CADPS2: variants seen among roughly 807,000 people sequenced by gnomAD.
CADPS2 encodes calcium dependent secretion activator 2.
Under a neutral mutation model 172.5 loss-of-function variants are expected in CADPS2, and 93 were observed. The ratio of observed to expected loss-of-function variants is 0.54; its 90% CI spans 0.46 to 0.64. CADPS2 has a LOEUF of 0.64. CADPS2 is among the 30% of genes least tolerant of loss of function. CADPS2 has a pLI of 0.00. For missense variants in CADPS2, 1,420 were observed against 1,565.9 expected, an observed-to-expected ratio of 0.91 and a Z score of 1.57; for synonymous variants, 546 against 555.2, an observed-to-expected ratio of 0.98 and a Z score of 0.23.
At chr7:122,827,586 C>T (rs1028883178) in intron 1 of CADPS2, among the ~76,000 whole-genome samples, 4 of 150,704 alleles carry the variant, frequency 2.7e-5, no homozygotes, top group East Asian at 3.9e-4. Flanking sequence ...GAGCCAAGAT[C>T]GTGCCATTGC....
At chr7:122,754,726 C>T (rs909461257) in intron 1 of CADPS2, among the ~76,000 whole-genome samples, 1 of 152,180 alleles carries the variant, frequency 6.6e-6, no homozygotes, top group Admixed American at 6.5e-5. Context: ...CTGCCTGCCT[C>T]GGCCTCCCAA....
chr7:122,475,137 T>G (rs2056479151), intron 12 of CADPS2, among the ~76,000 whole-genome samples: 1 of 152,240 alleles, frequency 6.6e-6, no homozygotes, highest in South Asian at 2.1e-4. Context: ...TTTATTGTTC[T>G]TTACAGATTG....
intron 2 of CADPS2, among the ~76,000 whole-genome samples, chr7:122,718,202 T>C (rs1162492829): frequency 6.6e-6 from 1 of 151,966 alleles, no homozygotes; most frequent in Non-Finnish European, 1.5e-5. Flanking sequence ...GTAGTTTATG[T>C]GATTGCCATT....
intron 1 of CADPS2, among the ~76,000 whole-genome samples, chr7:122,780,882 T>C (rs916804096): frequency 6.9e-6 from 1 of 144,112 alleles, no homozygotes; most frequent in Non-Finnish European, 1.5e-5. Flanking sequence ...TTTATGTGAC[T>C]ACAAACAATG....
rs184423448 is a variant in CADPS2, at chr7:122,790,185, A to G, written c.340-53117T>C. On this transcript the variant is annotated intron_variant, in intron 1 of 29. Coordinates refer to ENST00000449022, the MANE Select transcript of CADPS2 (RefSeq NM_017954.11). ...GCCAAGGCAGGAGGATTGCTTGAAGACAGGAGTTTGAGGCCAGCCTGGGCA... is the reference window on the plus strand; with the variant it reads ...GCCAAGGCAGGAGGATTGCTTGAAGGCAGGAGTTTGAGGCCAGCCTGGGCA... Among the ~76,000 whole-genome samples the G allele has an allele frequency of 4.4e-3, 674 of 152,058 alleles. 8 individuals carry two copies. Among genetic ancestry groups the G allele is most frequent in the African/African-American group, 0.015 (638 of 41,506 alleles).
In CADPS2 at chr7:122,886,230, C is replaced by A; in HGVS notation, c.108G>T (p.Pro36=). The change falls in exon 1 of 30, where the codon CCG becomes CCT. Residue 36 remains proline (P), a synonymous_variant. Coordinates refer to ENST00000449022, the MANE Select transcript of CADPS2 (RefSeq NM_017954.11). ...AGSSQRAPPA[P]TREGRRDAPG... ...GCGCGTCCCGCCGCCCTTCCCGAGTCGGGGCTGGAGGAGCTCGCTGCGAGC... is the reference window on the plus strand; with the variant it reads ...GCGCGTCCCGCCGCCCTTCCCGAGTAGGGGCTGGAGGAGCTCGCTGCGAGC... 1 of 1,482,192 alleles carries A rather than the reference C, an allele frequency of 6.7e-7. No homozygotes were observed. The highest frequency in any genetic ancestry group is 8.9e-7 in the Non-Finnish European group (1 of 1,125,818). The allele number at this position is 1,482,192 out of a possible 1,614,324, so 91.8% of individuals were successfully genotyped here.
chr7:122,692,702 G>A (rs1668035904), intron 2 of CADPS2, among the ~76,000 whole-genome samples: 1 of 152,192 alleles, frequency 6.6e-6, no homozygotes, highest in South Asian at 2.1e-4. Flanking sequence ...TCATGCCCAG[G>A]GTCCAGCCCC....
At chr7:122,824,568 CTCTT>C (rs1804342483) in intron 1 of CADPS2, among the ~76,000 whole-genome samples, 1 of 152,106 alleles carries the variant, frequency 6.6e-6, no homozygotes, top group South Asian at 2.1e-4. Context: ...ATATCCTTTG[CTCTT>C]TATTTAGTTA....
At chr7:122,699,107 A>C (rs2085626535) in intron 2 of CADPS2, 2 of 547,756 alleles carry the variant, frequency 3.7e-6, no homozygotes, top group Non-Finnish European at 6.5e-6. Context: ...AGAGGTGAAA[A>C]ACTTTAGATT....
chr7:122,813,336 T>C (rs1292127370), intron 1 of CADPS2, among the ~76,000 whole-genome samples: 1 of 152,106 alleles, frequency 6.6e-6, no homozygotes, highest in East Asian at 1.9e-4. Flanking sequence ...ACAAGTCCAA[T>C]TTTTAGATTT....
At chr7:122,394,326 A>C (rs998484322) in intron 20 of CADPS2, among the ~76,000 whole-genome samples, 1 of 152,182 alleles carries the variant, frequency 6.6e-6, no homozygotes, top group Admixed American at 6.5e-5. Flanking sequence ...CAGATGATAC[A>C]ATTTTATTAA....
chr7:122,476,457 G>A (rs918610668), intron 12 of CADPS2, among the ~76,000 whole-genome samples: 1 of 151,950 alleles, frequency 6.6e-6, no homozygotes, highest in African/African-American at 2.4e-5. Flanking sequence ...TCTGAAAAAC[G>A]ATCTATAGTT....
chr7:122,537,519 T>C (rs2062432018), intron 8 of CADPS2, among the ~76,000 whole-genome samples: 2 of 151,602 alleles, frequency 1.3e-5, no homozygotes, highest in Admixed American at 1.3e-4. Flanking sequence ...TGCAAAAGAA[T>C]TAGAAAAAAA....
intron 2 of CADPS2, chr7:122,701,800 C>T: frequency 2.3e-6 from 3 of 1,331,544 alleles, no homozygotes; most frequent in East Asian, 4.6e-5. Flanking sequence ...TTGGAAAGAT[C>T]TGGTTACATC....
chr7:122,824,938 C>T (rs1423379433), intron 1 of CADPS2, among the ~76,000 whole-genome samples: 1 of 152,142 alleles, frequency 6.6e-6, no homozygotes, highest in Non-Finnish European at 1.5e-5. Flanking sequence ...CTTTTTCTCA[C>T]TGATCTGACT....
chr7:122,856,209 T>C (rs974797004), intron 1 of CADPS2, among the ~76,000 whole-genome samples: 1 of 152,126 alleles, frequency 6.6e-6, no homozygotes, highest in African/African-American at 2.4e-5. Flanking sequence ...AGCCCAGTGG[T>C]TTAAGTTACT....
intron 2 of CADPS2, among the ~76,000 whole-genome samples, chr7:122,728,428 G>A (rs1027650984): frequency 6.6e-6 from 1 of 151,836 alleles, no homozygotes; most frequent in Non-Finnish European, 1.5e-5. Context: ...TCTGATAGCT[G>A]GTGGTAGAAA....
intron 1 of CADPS2, among the ~76,000 whole-genome samples, chr7:122,854,415 A>G (rs1814609310): frequency 6.6e-6 from 1 of 152,182 alleles, no homozygotes; most frequent in Admixed American, 6.5e-5. Flanking sequence ...CCTTCTACTC[A>G]CAGTATTCAA....
intron 8 of CADPS2, among the ~76,000 whole-genome samples, chr7:122,530,839 G>C (rs1327190776): frequency 1.3e-5 from 2 of 152,122 alleles, no homozygotes; most frequent in African/African-American, 4.8e-5. Context: ...TTTATACGGA[G>C]GAGATGGTCT....
Sources: allele counts gnomAD v4.1 joint callset (sites outside exome capture counted in the v4.1 genomes callset), GRCh38; gene constraint gnomAD v4.1.1; transcripts MANE v1.5; gene names NCBI Gene and HGNC (gene_info 2026-07-23, HGNC 2026-07-21).